GLYATL2: variants seen among roughly 807,000 people sequenced by gnomAD.
The protein encoded by GLYATL2 is glycine-N-acyltransferase like 2.
In GLYATL2, 25 loss-of-function variants were observed where a neutral mutation model predicts 21.4. The ratio of observed to expected loss-of-function variants is 1.17; its 90% CI spans 0.85 to 1.63. The LOEUF (loss-of-function observed/expected upper bound fraction) is 1.63, where lower values mean the gene tolerates loss of function less well. Among genes scored for constraint, GLYATL2 ranks in the 40% most tolerant of loss-of-function variants. GLYATL2 has a pLI of 0.00. For synonymous variants in GLYATL2, 114 were observed against 118.2 expected (o/e 0.96, Z 0.23); for missense variants, 361 against 343.3 (o/e 1.05, Z -0.41).
At chr11:58,884,847 A>G (rs1259184800) in intron 1 of GLYATL2, 1 of 164,558 alleles carries the variant, frequency 6.1e-6, no homozygotes, top group Non-Finnish European at 1.5e-5. Flanking sequence ...AGATGTATAA[A>G]GTGCATTTTA....
chr11:58,878,268 A>G, intron 1 of GLYATL2: 1 of 423,216 alleles, frequency 2.4e-6, no homozygotes, highest in Non-Finnish European at 4.3e-6. Context: ...ACTGTGCCAG[A>G]AGCAGGATCT....
chr11:58,864,354 A>G (rs557696623), intron 1 of GLYATL2, among the ~76,000 whole-genome samples: 1 of 32,502 alleles, frequency 3.1e-5, no homozygotes, highest in South Asian at 1.1e-3. Flanking sequence ...GCACTGGGGT[A>G]GATCTGGCAT....
chr11:58,835,496 C>A (rs1853413222), intron 5 of GLYATL2, among the ~76,000 whole-genome samples: 1 of 152,100 alleles, frequency 6.6e-6, no homozygotes, highest in Non-Finnish European at 1.5e-5. Context: ...TGTGAAATTA[C>A]AGTAATATCA....
intron 1 of GLYATL2, among the ~76,000 whole-genome samples, chr11:58,883,321 C>G (rs188956439): frequency 2.6e-5 from 4 of 151,880 alleles, no homozygotes; most frequent in South Asian, 4.2e-4. Flanking sequence ...AGACCAATAG[C>G]AAGACTAATA....
intron 1 of GLYATL2, among the ~76,000 whole-genome samples, chr11:58,885,796 C>G (rs1223631070): frequency 6.6e-6 from 1 of 152,086 alleles, no homozygotes; most frequent in African/African-American, 2.4e-5. Flanking sequence ...GATTAAGGGC[C>G]CTTTGAGGTG....
chr11:58,838,071 C>T (rs751786333), intron 3 of GLYATL2, among the ~76,000 whole-genome samples, 190 bp downstream of exon 3: 8 of 152,198 alleles, frequency 5.3e-5, no homozygotes, highest in African/African-American at 7.2e-5. Flanking sequence ...TCCTGGATTA[C>T]TGATCACTGG....
chr11:58,883,697 A>G (rs941169067), intron 1 of GLYATL2, among the ~76,000 whole-genome samples: 3 of 152,172 alleles, frequency 2.0e-5, no homozygotes, highest in African/African-American at 7.2e-5. Context: ...AAAAGAGGGA[A>G]TCTTCTCTAA....
intron 1 of GLYATL2, among the ~76,000 whole-genome samples, chr11:58,860,628 C>T (rs1853914186): frequency 6.6e-6 from 1 of 152,028 alleles, no homozygotes; most frequent in Non-Finnish European, 1.5e-5. Flanking sequence ...GTAGAACTTC[C>T]ATTAATGCAT....
At chr11:58,887,234 A>G (rs1351067469) in intron 1 of GLYATL2, among the ~76,000 whole-genome samples, 1 of 152,180 alleles carries the variant, frequency 6.6e-6, no homozygotes, top group African/African-American at 2.4e-5. Context: ...TAAAAGTTGA[A>G]TGCCACACAT....
At chr11:58,885,415 C>T (rs1167546132) in intron 1 of GLYATL2, 2 of 442,514 alleles carry the variant, frequency 4.5e-6, no homozygotes, top group Admixed American at 2.4e-5. Flanking sequence ...TCTCCTAGTC[C>T]TTTCCATCTC....
chr11:58,854,509 A>G (rs1466560358), intron 1 of GLYATL2, among the ~76,000 whole-genome samples: 1 of 152,238 alleles, frequency 6.6e-6, no homozygotes, highest in African/African-American at 2.4e-5. Context: ...GCTAAGGATA[A>G]TCTGAGCTTT....
intron 1 of GLYATL2, chr11:58,884,851 CATTTTAA>C (rs1246116248): frequency 1.2e-5 from 2 of 164,492 alleles, no homozygotes; most frequent in African/African-American, 4.8e-5. Context: ...GTATAAAGTG[CATTTTAA>C]ATTCATTTGT....
At chr11:58,857,155 C>T (rs1853842857) in intron 1 of GLYATL2, among the ~76,000 whole-genome samples, 1 of 152,174 alleles carries the variant, frequency 6.6e-6, no homozygotes, top group Non-Finnish European at 1.5e-5. Flanking sequence ...CACAAGGGTT[C>T]TCCTCTCCTC....
At chr11:58,899,366 G>T (rs1329302991) in intron 1 of GLYATL2, among the ~76,000 whole-genome samples, 1 of 151,896 alleles carries the variant, frequency 6.6e-6, no homozygotes. Flanking sequence ...TGCCCCTCTT[G>T]AAGCTTACAT....
At chr11:58,842,632 A>AAATG (rs539083099) in intron 1 of GLYATL2, among the ~76,000 whole-genome samples, 147 of 152,082 alleles carry the variant, frequency 9.7e-4, no homozygotes, top group South Asian at 2.9e-3. Flanking sequence ...GCCAGTTGAA[A>AAATG]AATGAATGAA....
chr11:58,881,930 T>C (rs1854343571), intron 1 of GLYATL2, among the ~76,000 whole-genome samples: 1 of 152,270 alleles, frequency 6.6e-6, no homozygotes, highest in Admixed American at 6.5e-5. Flanking sequence ...TCCTTTTTAA[T>C]GGCTGCATAG....
At chr11:58,841,596 C>T (rs1235204147) in intron 1 of GLYATL2, among the ~76,000 whole-genome samples, 1 of 152,168 alleles carries the variant, frequency 6.6e-6, no homozygotes, top group Non-Finnish European at 1.5e-5. Context: ...CAAAGATGGA[C>T]TACATGTAAC....
intron 1 of GLYATL2, among the ~76,000 whole-genome samples, chr11:58,881,702 A>G (rs932308428): frequency 1.3e-5 from 2 of 152,126 alleles, no homozygotes; most frequent in Admixed American, 6.5e-5. Context: ...CTCATCATTT[A>G]CAATAGTTAT....
At chr11:58,906,049 A>T (rs755720256), upstream of GLYATL2, among the ~76,000 whole-genome samples, 2 of 152,068 alleles carry the variant, frequency 1.3e-5, no homozygotes, top group African/African-American at 2.4e-5. Flanking sequence ...TCTTCCCAAC[A>T]CCTGCGAATC....
Sources: gnomAD v4.1 joint callset for allele counts (sites outside exome capture counted in the v4.1 genomes callset) on GRCh38, gnomAD v4.1.1 for gene constraint, MANE v1.5 for transcripts, NCBI Gene and HGNC (gene_info 2026-07-23, HGNC 2026-07-21) for gene names.